Variants in KLHL4 observed in about 807,000 individuals in gnomAD.
KLHL4 encodes kelch-like protein 4.
In KLHL4, 17 loss-of-function variants were observed where a neutral mutation model predicts 45.8. That is an observed-to-expected ratio of 0.37 (90% CI 0.25 to 0.56). The LOEUF (loss-of-function observed/expected upper bound fraction) is 0.56, where lower values mean the gene tolerates loss of function less well. Ranked by LOEUF, KLHL4 falls within the 20% of genes least tolerant of loss-of-function variation. KLHL4 has a pLI of 0.79. For missense variants in KLHL4, 544 were observed against 544.9 expected (o/e 1.00, Z 0.02); for synonymous variants, 224 against 189.9 (o/e 1.18, Z -1.47).
At chrX:87,598,292 A>T (rs916526181) in intron 1 of KLHL4, among the ~76,000 whole-genome samples, 1 of 110,868 alleles carries the variant, frequency 9.0e-6, no homozygotes, top group Non-Finnish European at 1.9e-5. Flanking sequence ...GTTCTTTATT[A>T]ATTTGCTTGA....
rs1923176692 is a variant in KLHL4 at position 87,633,830 on chromosome X, A to G, written c.1631A>G (p.Asp544Gly). 8.3e-7 allele frequency: 1 copy of G among 1,204,971 alleles called. No individual in the cohort carries two copies. Among genetic ancestry groups the G allele is most frequent in the Non-Finnish European group, 1.1e-6 (1 of 891,357 alleles). ...WSYLNTVERW[D>G]PEGRQWNYVA... ...TATCTAAATACTGTAGAAAGATGGG[A>G]CCCTGAGGGACGACAGTGGAATTAC... The change falls in exon 8 of 11, where the codon GAC becomes GGC. Residue 544 changes from aspartate (D) to glycine (G), a missense_variant. Transcript: ENST00000373119.
chrX:87,583,308 A>G (rs919153130), intron 1 of KLHL4, among the ~76,000 whole-genome samples: 5 of 112,039 alleles, frequency 4.5e-5, no homozygotes, highest in African/African-American at 1.6e-4. Context: ...TCTCAATTTG[A>G]CATAGTGAGA....
At chrX:87,538,200 T>C in intron 1 of KLHL4, among the ~76,000 whole-genome samples, 1 of 111,452 alleles carries the variant, frequency 9.0e-6, no homozygotes. Flanking sequence ...ATCTCAACTG[T>C]AGGTTTCCTT....
At chrX:87,526,512 G>C (rs1931113489) in intron 1 of KLHL4, among the ~76,000 whole-genome samples, 1 of 111,986 alleles carries the variant, frequency 8.9e-6, no homozygotes, top group Non-Finnish European at 1.9e-5. Context: ...TAGTCATTGA[G>C]CTCCATAGGC....
At chrX:87,528,572 C>G (rs1289705927) in intron 1 of KLHL4, among the ~76,000 whole-genome samples, 2 of 108,276 alleles carry the variant, frequency 1.8e-5, no homozygotes, top group African/African-American at 6.7e-5. Context: ...AAAATTAGCT[C>G]AGCGTGGTGG....
At chrX:87,558,727 C>T (rs1325511336) in intron 1 of KLHL4, among the ~76,000 whole-genome samples, 1 of 111,988 alleles carries the variant, frequency 8.9e-6, no homozygotes, top group African/African-American at 3.2e-5. Flanking sequence ...GAGATTTCCA[C>T]ATATCTCCAT....
At chrX:87,572,799 A>AAG (rs1212535230) in intron 1 of KLHL4, among the ~76,000 whole-genome samples, 1 of 97,896 alleles carries the variant, frequency 1.0e-5, no homozygotes, top group Non-Finnish European at 2.0e-5. Flanking sequence ...TATAATAAAA[A>AAG]AAAAAAACTA....
intron 1 of KLHL4, among the ~76,000 whole-genome samples, chrX:87,548,224 GA>G (rs765409945): frequency 2.0e-4 from 22 of 111,604 alleles, no homozygotes; most frequent in African/African-American, 5.5e-4. Flanking sequence ...AGTGCTGACT[GA>G]AAAAACTTTT....
intron 1 of KLHL4, among the ~76,000 whole-genome samples, chrX:87,571,671 AAC>A (rs906234111): frequency 7.2e-5 from 8 of 111,407 alleles, no homozygotes; most frequent in African/African-American, 2.3e-4. Flanking sequence ...ATATTTTTAT[AAC>A]ACATAAAATT....
chrX:87,603,330 C>T (rs752241625), intron 1 of KLHL4, among the ~76,000 whole-genome samples: 21 of 111,147 alleles, frequency 1.9e-4, no homozygotes, highest in Non-Finnish European at 3.6e-4. Context: ...GGGTCTGAAA[C>T]CCACTGTAAA....
At chrX:87,641,567 T>G (rs762279023) in intron 9 of KLHL4, among the ~76,000 whole-genome samples, 1 of 111,358 alleles carries the variant, frequency 9.0e-6, no homozygotes, top group Admixed American at 9.5e-5. Context: ...AGGGCACAAA[T>G]CTGGTGTGCA....
At chrX:87,567,840 A>G (rs755958736) in intron 1 of KLHL4, among the ~76,000 whole-genome samples, 10 of 110,493 alleles carry the variant, frequency 9.1e-5, no homozygotes, top group Non-Finnish European at 1.9e-4. Flanking sequence ...AAAGCGAGAG[A>G]CTGCCTAATG....
chrX:87,667,343 A>T lies in KLHL4; in HGVS notation c.*809A>T. The stretch of plus-strand genomic sequence containing the variant: ...AGTGTCAGGGCCTCACTTGTATAGA[A>T]TGTAATGTTCTCCTCAAACATTTAT... On this transcript the variant is annotated 3_prime_UTR_variant, in exon 11 of 11. Transcript: ENST00000373119. 2.9e-6 allele frequency: 2 copies of T among 700,946 alleles called. No individual in the cohort carries two copies. Among genetic ancestry groups the T allele is most frequent in the Non-Finnish European group, 3.4e-6 (2 of 590,653 alleles). 57.8% of individuals were successfully genotyped at this position (700,946 alleles called of 1,213,427 possible). A position where few individuals can be genotyped will look rare whatever the true frequency, so the allele number is the denominator to read the frequency against.
intron 1 of KLHL4, among the ~76,000 whole-genome samples, chrX:87,612,122 ATTGT>A (rs1369047802): frequency 3.6e-5 from 4 of 111,824 alleles, no homozygotes; most frequent in Non-Finnish European, 5.6e-5. Flanking sequence ...AAGAAAAAGT[ATTGT>A]TTATTAATTT....
At chrX:87,659,707 AATTT>A (rs1924122859) in intron 9 of KLHL4, among the ~76,000 whole-genome samples, 1 of 111,344 alleles carries the variant, frequency 9.0e-6, no homozygotes, top group Non-Finnish European at 1.9e-5. Context: ...CTGGAGACTT[AATTT>A]GTTATTTTAA....
At chrX:87,629,492 C>A (rs1483839084) in intron 6 of KLHL4, among the ~76,000 whole-genome samples, 3 of 110,509 alleles carry the variant, frequency 2.7e-5, no homozygotes, top group Non-Finnish European at 5.7e-5. Flanking sequence ...GAATCTAATG[C>A]CTTGAAAAGT....
At chrX:87,561,024 A>G (rs1932086853) in intron 1 of KLHL4, among the ~76,000 whole-genome samples, 1 of 111,602 alleles carries the variant, frequency 9.0e-6, no homozygotes, top group African/African-American at 3.3e-5. Context: ...AGACCAAAAC[A>G]TAAAACCTGA....
chrX:87,569,805 G>T (rs1932295601), intron 1 of KLHL4, among the ~76,000 whole-genome samples: 1 of 111,584 alleles, frequency 9.0e-6, no homozygotes, highest in Non-Finnish European at 1.9e-5. Context: ...ATCAATGGTT[G>T]CTGAAGGATA....
rs370805798 is a variant in KLHL4 at position 87,617,961 on chromosome X, G to A, written c.757G>A (p.Glu253Lys). Residue 253 changes from glutamate (E) to lysine (K), a missense_variant, in exon 4 of 11, where the codon GAA becomes AAA. Transcript: ENST00000373119. ...GVLQLKEDTI[E>K]SLLAAACLLQ... Reference sequence around the variant, plus strand: ...CCTGCAATTGAAAGAAGATACCATTGAAAGTTTGCTGGCTGCAGCTTGTCT... The same window carrying A: ...CCTGCAATTGAAAGAAGATACCATTAAAAGTTTGCTGGCTGCAGCTTGTCT... The A allele has an allele frequency of 2.5e-5, 30 of 1,208,536 alleles. No homozygotes were observed. The African/African-American group carries it at 4.9e-4, about 20-fold the overall frequency.
Sources: gnomAD v4.1 joint callset for allele counts (sites outside exome capture counted in the v4.1 genomes callset) on GRCh38, gnomAD v4.1.1 for gene constraint, MANE v1.5 for transcripts, NCBI Gene and HGNC (gene_info 2026-07-23, HGNC 2026-07-21) for gene names.